Variants in CDH26 observed in about 807,000 individuals in gnomAD.
The protein encoded by CDH26 is cadherin-like protein 26.
Under a neutral mutation model 90.3 loss-of-function variants are expected in CDH26, and 83 were observed. The ratio of observed to expected loss-of-function variants is 0.92; its 90% confidence interval spans 0.77 to 1.10. The LOEUF is 1.10. Among genes scored for constraint, CDH26 ranks in the 50% least tolerant of loss-of-function variants. The probability of loss-of-function intolerance (pLI) is 0.00; values close to 1 mark genes in which losing one functional copy is unlikely to be tolerated. For missense variants in CDH26, 1,013 were observed against 1,037.6 expected (o/e 0.98, Z 0.33); for synonymous variants, 397 against 396.3 (o/e 1.00, Z -0.02).
intron 8 of CDH26, chr20:60,031,433 GTC>G: frequency 8.9e-7 from 1 of 1,117,768 alleles, no homozygotes; most frequent in Non-Finnish European, 1.1e-6. Flanking sequence ...GAAGGTTTGA[GTC>G]TCTATATTTT....
intron 6 of CDH26, 26 bp downstream of exon 6, chr20:59,984,831 T>A (rs969908232): frequency 1.3e-6 from 2 of 1,590,846 alleles, no homozygotes; most frequent in Non-Finnish European, 1.7e-6. Flanking sequence ...TTATTTTTTT[T>A]AAATGAAATG....
chr20:59,993,232 A>C (rs893042354), intron 10 of CDH26, among the ~76,000 whole-genome samples: 1 of 151,972 alleles, frequency 6.6e-6, no homozygotes, highest in Non-Finnish European at 1.5e-5. Flanking sequence ...GTTATGGATG[A>C]TTTTATGATT....
At chr20:60,022,663 G>T (rs1410978021) in intron 7 of CDH26, among the ~76,000 whole-genome samples, 1 of 152,218 alleles carries the variant, frequency 6.6e-6, no homozygotes, top group Non-Finnish European at 1.5e-5. Context: ...TTCTAAGATG[G>T]TTTCCTCTCA....
chr20:60,007,462 T>C (rs1009400593), intron 17 of CDH26, among the ~76,000 whole-genome samples: 6 of 152,204 alleles, frequency 3.9e-5, no homozygotes, highest in African/African-American at 1.2e-4. Context: ...GGCTAACTCA[T>C]AGGCAGTACA....
At position 60,002,853 on chromosome 20, in the gene CDH26, TA is replaced by T; in HGVS notation, c.2208del (p.His737ThrfsTer27). On this transcript the variant is annotated frameshift_variant, in exon 16 of 18. Coordinates refer to ENST00000348616, the MANE Select transcript of CDH26 (RefSeq NM_177980.4). LOFTEE classifies it high-confidence loss of function. ...TTTGAGCCAAGAAGTGTGAAAAACA[TA>T]CACTCTACTCCTGTAAGTATAGATG... Reference protein sequence around the residue: ...KPFEPRSVKNIHSTPAYPDAT... With the variant: ...KPFEPRSVKNXHSTPAYPDAT... 6.3e-7 allele frequency: 1 copy of T among 1,598,158 alleles called. No homozygotes were observed. The highest frequency in any genetic ancestry group is 8.5e-7 in the Non-Finnish European group (1 of 1,170,002).
At chr20:59,968,933 T>G in intron 1 of CDH26, 34 bp from the exon 2 acceptor site, 1 of 1,182,680 alleles carries the variant, frequency 8.5e-7, no homozygotes, top group South Asian at 1.4e-5. Context: ...GGTAAGAATA[T>G]TCTCTACTAA....
intron 16 of CDH26, among the ~76,000 whole-genome samples, chr20:60,004,601 C>T (rs2061719762): frequency 6.6e-6 from 1 of 151,776 alleles, no homozygotes; most frequent in Non-Finnish European, 1.5e-5. Context: ...CCTGTCTTTA[C>T]TAAAAATACA....
intron 7 of CDH26, among the ~76,000 whole-genome samples, chr20:60,025,981 T>C (rs143767450): frequency 6.6e-6 from 1 of 152,284 alleles, no homozygotes; most frequent in East Asian, 1.9e-4. Flanking sequence ...CTGGACACTA[T>C]TTCATTTATG....
At position 59,972,211 on chromosome 20, in the gene CDH26, G is replaced by C. The variant is rs1407382569; in HGVS notation, c.393+88G>C. 18 of 1,267,788 alleles carry C rather than the reference G, an allele frequency of 1.4e-5. No individual in the cohort carries two copies. The East Asian group carries it at 4.1e-4, about 29-fold the overall frequency. 78.5% of individuals were successfully genotyped at this position (1,267,788 alleles called of 1,614,324 possible). A position where few individuals can be genotyped will look rare whatever the true frequency, so the allele number is the denominator to read the frequency against. Reference sequence around the variant, plus strand: ...GGTAAGCATTATTTAAGCTGACTATGTGCCAGGTTCCGGGAGATTGAGAAA... The same window carrying C: ...GGTAAGCATTATTTAAGCTGACTATCTGCCAGGTTCCGGGAGATTGAGAAA... On this transcript the variant is annotated intron_variant, in intron 4 of 17. Coordinates refer to ENST00000348616, the MANE Select transcript of CDH26 (RefSeq NM_177980.4).
intron 1 of CDH26, 46 bp downstream of exon 1, chr20:59,958,841 G>A (rs1458348765): frequency 6.3e-7 from 1 of 1,582,888 alleles, no homozygotes; most frequent in Non-Finnish European, 8.6e-7. Flanking sequence ...GGAACTGAAA[G>A]CAAAGCACAA....
intron 1 of CDH26, among the ~76,000 whole-genome samples, chr20:59,959,523 C>T (rs1293113718): frequency 6.6e-6 from 1 of 151,798 alleles, no homozygotes; most frequent in African/African-American, 2.4e-5. Context: ...GGCTCAGCCT[C>T]CCGAGTACTG....
intron 7 of CDH26, among the ~76,000 whole-genome samples, chr20:60,028,333 T>G (rs1024910033): frequency 6.6e-6 from 1 of 152,266 alleles, no homozygotes; most frequent in Non-Finnish European, 1.5e-5. Flanking sequence ...TGGGTTCTTT[T>G]GATCTGCCAC....
At position 60,025,817 on chromosome 20, in the gene CDH26, G is replaced by A. The variant is rs6100689; in HGVS notation, c.948-5414G>A. ...GTTTCCCCAGCACCTAGACTGCCAAGCACTGACTCCAGCTAACACTGTCCT... is the reference window on the plus strand; with the variant it reads ...GTTTCCCCAGCACCTAGACTGCCAAACACTGACTCCAGCTAACACTGTCCT... On this transcript the variant is annotated intron_variant, in intron 7 of 8. Coordinates refer to the CDH26 transcript ENST00000370991. Among the ~76,000 whole-genome samples, 594 of 152,314 alleles carry A rather than the reference G, an allele frequency of 3.9e-3. 3 individuals carry two copies. The highest frequency in any genetic ancestry group is 0.014 in the African/African-American group (562 of 41,564).
chr20:59,965,292 C>T (rs749294221), intron 1 of CDH26, among the ~76,000 whole-genome samples: 14 of 152,208 alleles, frequency 9.2e-5, no homozygotes, highest in South Asian at 2.1e-4. Context: ...CTGACGCGGA[C>T]GAGCCAACCA....
At chr20:60,027,353 A>G (rs950131092) in intron 7 of CDH26, among the ~76,000 whole-genome samples, 1 of 152,192 alleles carries the variant, frequency 6.6e-6, no homozygotes, top group African/African-American at 2.4e-5. Context: ...CATACCTATC[A>G]TCTAGATTCT....
intron 7 of CDH26, among the ~76,000 whole-genome samples, chr20:60,019,886 G>A (rs1221979704): frequency 1.3e-5 from 2 of 152,162 alleles, no homozygotes; most frequent in Non-Finnish European, 2.9e-5. Flanking sequence ...ATGGGTTTTG[G>A]GGTGTTGGTT....
intron 13 of CDH26, among the ~76,000 whole-genome samples, chr20:59,997,483 G>A (rs1283272738): frequency 1.3e-5 from 2 of 152,254 alleles, no homozygotes; most frequent in African/African-American, 4.8e-5. Flanking sequence ...CTAACACAAG[G>A]CAGAGCCATA....
chr20:59,996,387 CT>C, intron 12 of CDH26: 1 of 1,476,784 alleles, frequency 6.8e-7, no homozygotes, highest in South Asian at 1.4e-5. Flanking sequence ...AAGAAAGCAG[CT>C]TTTCCAAGAA....
rs1319021995 is a variant in CDH26, at chr20:59,968,950, T to C, written c.70-17T>C. ...TAAGAATATTCTCTACTAATTAATA[T>C]TATTTTTATTTTTAAGGTCAGTATC... On this transcript the variant is annotated splice_polypyrimidine_tract_variant and intron_variant, in intron 1 of 17. Transcript: ENST00000348616. The C allele has an allele frequency of 7.2e-7, 1 of 1,397,798 alleles. No individual in the cohort carries two copies. The highest frequency in any genetic ancestry group is 1.0e-6 in the Non-Finnish European group (1 of 992,572). 86.6% of individuals were successfully genotyped at this position (1,397,798 alleles called of 1,614,324 possible).
Sources: gnomAD v4.1 joint callset for allele counts (sites outside exome capture counted in the v4.1 genomes callset) on GRCh38, gnomAD v4.1.1 for gene constraint, MANE v1.5 for transcripts, NCBI Gene and HGNC (gene_info 2026-07-23, HGNC 2026-07-21) for gene names.